The following STPG2 variants were observed in gnomAD, a reference collection of about 807,000 sequenced individuals.
STPG2 encodes sperm-tail PG-rich repeat-containing protein 2.
STPG2 carries 56 observed loss-of-function variants against 54.2 expected under a neutral mutation model. That is an observed-to-expected ratio of 1.03 (90% confidence interval 0.83 to 1.29). STPG2 has a LOEUF of 1.29. Ranked by LOEUF, STPG2 falls within the 50% of genes most tolerant of loss-of-function variation. The probability of loss-of-function intolerance (pLI) is 0.00; values close to 1 mark genes in which losing one functional copy is unlikely to be tolerated. For synonymous variants in STPG2, 200 were observed against 181.8 expected (o/e 1.10, Z -0.81); for missense variants, 596 against 544.9 (o/e 1.09, Z -0.93).
chr4:97,447,409 C>A (rs989699023), intron 4 of STPG2, among the ~76,000 whole-genome samples: 2 of 152,196 alleles, frequency 1.3e-5, no homozygotes, highest in African/African-American at 4.8e-5. Context: ...GGCAAAATGT[C>A]TCCATGGCAT....
intron 8 of STPG2, among the ~76,000 whole-genome samples, chr4:97,921,152 T>C (rs1186847600): frequency 6.6e-6 from 1 of 152,230 alleles, no homozygotes; most frequent in Non-Finnish European, 1.5e-5. Context: ...TGGGCAGAGA[T>C]AGTCTCCTCA....
chr4:97,812,547 T>C (rs1727774627), intron 9 of STPG2, among the ~76,000 whole-genome samples: 1 of 152,142 alleles, frequency 6.6e-6, no homozygotes, highest in African/African-American at 2.4e-5. Context: ...GTTATATGTT[T>C]TCCAGATCAC....
chr4:97,966,117 G>C (rs1734088383), intron 7 of STPG2, among the ~76,000 whole-genome samples: 1 of 152,144 alleles, frequency 6.6e-6, no homozygotes, highest in Admixed American at 6.5e-5. Flanking sequence ...TCACAAGCAA[G>C]CTAGCTAAAA....
At chr4:97,854,840 C>T (rs567146328) in intron 8 of STPG2, among the ~76,000 whole-genome samples, 8 of 152,118 alleles carry the variant, frequency 5.3e-5, no homozygotes, top group African/African-American at 1.9e-4. Flanking sequence ...ACAGATCATC[C>T]CATCACCTAC....
intron 9 of STPG2, among the ~76,000 whole-genome samples, chr4:97,838,446 T>C (rs915441390): frequency 6.6e-6 from 1 of 151,152 alleles, no homozygotes; most frequent in Non-Finnish European, 1.5e-5. Context: ...AGAAACAGGC[T>C]ATTTTCATTT....
At chr4:98,095,418 G>A (rs775329943) in intron 5 of STPG2, among the ~76,000 whole-genome samples, 67 of 152,182 alleles carry the variant, frequency 4.4e-4, no homozygotes, top group African/African-American at 6.7e-4. Context: ...TTATGCTGCC[G>A]ACAAGAAACA....
At chr4:97,954,842 A>T (rs1228501992) in intron 7 of STPG2, among the ~76,000 whole-genome samples, 1 of 152,222 alleles carries the variant, frequency 6.6e-6, no homozygotes, top group Non-Finnish European at 1.5e-5. Context: ...GGGCATGCCA[A>T]AAAACAGAAG....
intron 4 of STPG2, among the ~76,000 whole-genome samples, chr4:97,540,146 C>T (rs975533137): frequency 3.3e-5 from 5 of 151,440 alleles, no homozygotes; most frequent in African/African-American, 1.2e-4. Context: ...CTGAAGGAGA[C>T]AGAGACAAAA....
At chr4:97,824,298 C>G (rs1387529303) in intron 9 of STPG2, among the ~76,000 whole-genome samples, 1 of 152,210 alleles carries the variant, frequency 6.6e-6, no homozygotes, top group East Asian at 1.9e-4. Flanking sequence ...CTTCCTTTCT[C>G]TCTCTCTCAT....
At chr4:98,003,208 TCTAA>T (rs2149277051) in intron 5 of STPG2, among the ~76,000 whole-genome samples, 1 of 152,174 alleles carries the variant, frequency 6.6e-6, no homozygotes, top group African/African-American at 2.4e-5. Context: ...CTGTCAGCAC[TCTAA>T]CAGATGAAAA....
intron 3 of STPG2, among the ~76,000 whole-genome samples, chr4:98,110,752 AT>A (rs1739324345): frequency 6.6e-6 from 1 of 151,880 alleles, no homozygotes; most frequent in African/African-American, 2.4e-5. Flanking sequence ...ATTCTCTCTT[AT>A]GAGGAGGCAA....
chr4:98,120,913 C>A (rs560759002), intron 3 of STPG2, among the ~76,000 whole-genome samples: 1 of 152,178 alleles, frequency 6.6e-6, no homozygotes, highest in South Asian at 2.1e-4. Flanking sequence ...TAATTAGGTC[C>A]CAGTTGTCAA....
intron 2 of STPG2, among the ~76,000 whole-genome samples, chr4:98,130,091 G>A (rs1270953023): frequency 3.3e-5 from 5 of 151,580 alleles, no homozygotes; most frequent in Non-Finnish European, 7.4e-5. Context: ...AACTCCTGAC[G>A]TCAGGTGATC....
intron 10 of STPG2, among the ~76,000 whole-genome samples, chr4:97,624,631 C>A (rs1734094060): frequency 6.6e-6 from 1 of 152,090 alleles, no homozygotes; most frequent in Non-Finnish European, 1.5e-5. Flanking sequence ...TTAATTATAT[C>A]CCATTTGTCA....
chr4:97,879,504 A>G (rs138688182), intron 8 of STPG2, among the ~76,000 whole-genome samples: 43 of 152,270 alleles, frequency 2.8e-4, no homozygotes, highest in African/African-American at 9.9e-4. Flanking sequence ...AATGAAGCAA[A>G]AGTGGTTTCC....
chr4:97,653,159 A>G (rs1722122129), intron 10 of STPG2, among the ~76,000 whole-genome samples: 1 of 152,026 alleles, frequency 6.6e-6, no homozygotes, highest in Non-Finnish European at 1.5e-5. Flanking sequence ...ATTCACTTCT[A>G]TAGGCAGGTA....
intron 10 of STPG2, among the ~76,000 whole-genome samples, chr4:97,682,216 A>C (rs1723059726): frequency 6.6e-6 from 1 of 151,936 alleles, no homozygotes; most frequent in Non-Finnish European, 1.5e-5. Context: ...TGTCATTTAA[A>C]AAAGAACACA....
chr4:97,589,611 A>G (rs1733086890), intron 10 of STPG2, among the ~76,000 whole-genome samples: 1 of 151,854 alleles, frequency 6.6e-6, no homozygotes, highest in South Asian at 2.1e-4. Context: ...TGTAAATCCT[A>G]TTGTCTTGGT....
chr4:97,900,630 G>A (rs901645765), intron 8 of STPG2, among the ~76,000 whole-genome samples: 1 of 152,030 alleles, frequency 6.6e-6, no homozygotes, highest in African/African-American at 2.4e-5. Context: ...CAGAAACATG[G>A]ATAGATCTGG....
Sources: gnomAD v4.1 joint callset for allele counts (sites outside exome capture counted in the v4.1 genomes callset) on GRCh38, gnomAD v4.1.1 for gene constraint, MANE v1.5 for transcripts, NCBI Gene and HGNC (gene_info 2026-07-23, HGNC 2026-07-21) for gene names.